TLL1: variants seen among roughly 807,000 people sequenced by gnomAD.
The protein encoded by TLL1 is tolloid-like protein 1.
In TLL1, 49 loss-of-function variants were observed where a neutral mutation model predicts 128.2. The ratio of observed to expected loss-of-function variants is 0.38; its 90% CI spans 0.30 to 0.48. The LOEUF (loss-of-function observed/expected upper bound fraction) is 0.48, where lower values mean the gene tolerates loss of function less well. TLL1 is among the 20% of genes least tolerant of loss of function. The pLI, the probability that TLL1 is intolerant of heterozygous loss-of-function variation, is 0.96. For missense variants in TLL1, 1,123 were observed against 1,242.0 expected, an observed-to-expected ratio of 0.90 and a Z score of 1.44; for synonymous variants, 454 against 418.8, an observed-to-expected ratio of 1.08 and a Z score of -1.03.
At chr4:165,994,609 A>C in intron 4 of TLL1, 76 bp downstream of exon 4, 1 of 1,533,478 alleles carries the variant, frequency 6.5e-7, no homozygotes, top group Admixed American at 1.7e-5. Flanking sequence ...ATTTTTATAG[A>C]ATATTAACAT....
intron 1 of TLL1, among the ~76,000 whole-genome samples, chr4:165,988,739 T>A (rs1191315359): frequency 6.6e-6 from 1 of 152,100 alleles, no homozygotes; most frequent in African/African-American, 2.4e-5. Context: ...TCATTAAAGA[T>A]AAAAAATCTG....
At chr4:165,891,361 A>C (rs1362000624) in intron 1 of TLL1, among the ~76,000 whole-genome samples, 2 of 152,128 alleles carry the variant, frequency 1.3e-5, no homozygotes, top group African/African-American at 4.8e-5. Context: ...TATCATCATC[A>C]GGCTATAAAT....
chr4:165,928,396 A>G (rs983009612), intron 1 of TLL1, among the ~76,000 whole-genome samples: 1 of 152,198 alleles, frequency 6.6e-6, no homozygotes, highest in Non-Finnish European at 1.5e-5. Context: ...ACAGGGTAGG[A>G]AAGCCACTCT....
intron 1 of TLL1, among the ~76,000 whole-genome samples, chr4:165,957,823 T>C (rs1289730577): frequency 2.7e-5 from 4 of 149,886 alleles, no homozygotes; most frequent in African/African-American, 9.8e-5. Context: ...TAATTCGTCA[T>C]TTAGCATTAG....
chr4:166,086,609 T>G (rs1041481084), intron 18 of TLL1, among the ~76,000 whole-genome samples: 4 of 152,142 alleles, frequency 2.6e-5, no homozygotes, highest in African/African-American at 7.2e-5. Flanking sequence ...CAGACTCTTT[T>G]CTGTCAATCC....
intron 9 of TLL1, among the ~76,000 whole-genome samples, chr4:166,038,702 G>C (rs1739108203): frequency 1.3e-5 from 2 of 152,138 alleles, no homozygotes; most frequent in Non-Finnish European, 2.9e-5. Context: ...CACAGAATAA[G>C]GGTCATGTAC....
chr4:165,892,609 T>C (rs1284910226), intron 1 of TLL1, among the ~76,000 whole-genome samples: 8 of 152,186 alleles, frequency 5.3e-5, no homozygotes, highest in Admixed American at 2.6e-4. Flanking sequence ...TCAAGTACTC[T>C]TTTCTGAATA....
intron 8 of TLL1, 79 bp downstream of exon 8, chr4:166,014,639 C>A: frequency 6.3e-7 from 1 of 1,592,500 alleles, no homozygotes; most frequent in Non-Finnish European, 8.5e-7. Flanking sequence ...ATTTACTCAA[C>A]TGTTTGTTTG....
intron 1 of TLL1, among the ~76,000 whole-genome samples, chr4:165,875,301 G>C (rs1322678944): frequency 2.6e-5 from 4 of 152,058 alleles, no homozygotes; most frequent in Non-Finnish European, 5.9e-5. Flanking sequence ...AAGGAGAGGT[G>C]TACACAATGA....
intron 1 of TLL1, among the ~76,000 whole-genome samples, chr4:165,973,174 T>C (rs1160144931): frequency 2.0e-5 from 3 of 152,114 alleles, no homozygotes; most frequent in East Asian, 1.9e-4. Flanking sequence ...AGTCCCACGA[T>C]AGGCCATCTG....
rs745469502 is a variant in TLL1 at position 166,060,000 on chromosome 4, T to C, written c.1847-28T>C. 9 of 1,612,456 alleles carry C rather than the reference T, an allele frequency of 5.6e-6. No individual in the cohort carries two copies. In the South Asian group the frequency reaches 8.8e-5, roughly 16 times the overall value. ...GAAGTGGGTGACTTCATGGGGAGAA[T>C]ATACCTTTTTCTTTTCTTTTCTTCT... is the stretch of plus-strand genomic sequence containing the variant. On this transcript the variant is annotated intron_variant, in intron 14 of 20. Transcript: ENST00000061240.
intron 1 of TLL1, among the ~76,000 whole-genome samples, chr4:165,974,757 G>A (rs1735796894): frequency 6.6e-6 from 1 of 152,112 alleles, no homozygotes; most frequent in Non-Finnish European, 1.5e-5. Flanking sequence ...TTTTGCTGAA[G>A]CTCCAACAAC....
At chr4:165,956,286 A>T (rs1734787696) in intron 1 of TLL1, among the ~76,000 whole-genome samples, 1 of 152,030 alleles carries the variant, frequency 6.6e-6, no homozygotes, top group African/African-American at 2.4e-5. Flanking sequence ...ATCTGACCAC[A>T]AATTTACCAG....
chr4:166,006,710 G>A (rs769346446), intron 6 of TLL1, among the ~76,000 whole-genome samples: 8 of 151,664 alleles, frequency 5.3e-5, no homozygotes, highest in Non-Finnish European at 8.9e-5. Context: ...TGTGGAGCAC[G>A]TATTTCATTA....
rs568262516 is a variant in TLL1 at position 165,986,750 on chromosome 4, G to C, written c.170-2631G>C. 1.0e-3 allele frequency among the ~76,000 whole-genome samples: 152 copies of C among 152,086 alleles called. 1 individual carries two copies. Among genetic ancestry groups the C allele is most frequent in the Non-Finnish European group, 1.6e-3 (110 of 67,984 alleles). On this transcript the variant is annotated intron_variant, in intron 1 of 20. Coordinates refer to ENST00000061240, the MANE Select transcript of TLL1 (RefSeq NM_012464.5). ...CTGTGAAGTGACTTATCCTTGGACTGTTGATCTGTGTTTGATATAATCCAT... is the reference window on the plus strand; with the variant it reads ...CTGTGAAGTGACTTATCCTTGGACTCTTGATCTGTGTTTGATATAATCCAT...
At chr4:166,024,546 A>T (rs370363701) in intron 8 of TLL1, among the ~76,000 whole-genome samples, 1 of 152,188 alleles carries the variant, frequency 6.6e-6, no homozygotes. Flanking sequence ...TGCAAGAGCA[A>T]CAGGGAAGCC....
intron 16 of TLL1, among the ~76,000 whole-genome samples, chr4:166,071,096 T>C (rs550448049): frequency 6.6e-6 from 1 of 152,110 alleles, no homozygotes; most frequent in African/African-American, 2.4e-5. Flanking sequence ...TGTCCATTTA[T>C]TTCAGATCCT....
intron 10 of TLL1, among the ~76,000 whole-genome samples, chr4:166,039,651 A>G (rs78706026): frequency 2.0e-3 from 300 of 152,290 alleles, no homozygotes; most frequent in African/African-American, 6.7e-3. Flanking sequence ...AGCTAGCTTA[A>G]CTTATGAGGT....
At chr4:166,046,120 C>G (rs1161290169) in intron 12 of TLL1, among the ~76,000 whole-genome samples, 3 of 152,058 alleles carry the variant, frequency 2.0e-5, no homozygotes, top group Non-Finnish European at 4.4e-5. Flanking sequence ...CATTTTATCT[C>G]CAGCAACATT....
Sources: allele counts gnomAD v4.1 joint callset (sites outside exome capture counted in the v4.1 genomes callset), GRCh38; gene constraint gnomAD v4.1.1; transcripts MANE v1.5; gene names NCBI Gene and HGNC (gene_info 2026-07-23, HGNC 2026-07-21).